Variants in CCDC181 observed in about 807,000 individuals in gnomAD.
The protein encoded by CCDC181 is coiled-coil domain-containing protein 181.
In CCDC181, 35 loss-of-function variants were observed where a neutral mutation model predicts 58.7. That is an observed-to-expected ratio of 0.60 (90% CI 0.46 to 0.79). The LOEUF is 0.79. CCDC181 is among the 30% of genes least tolerant of loss of function. The pLI is 0.00. For synonymous variants in CCDC181, 183 were observed against 197.5 expected (o/e 0.93, Z 0.62); for missense variants, 517 against 583.9 (o/e 0.89, Z 1.18).
At chr1:169,445,801 A>AT (rs934491904) in intron 2 of CCDC181, among the ~76,000 whole-genome samples, 2 of 151,856 alleles carry the variant, frequency 1.3e-5, no homozygotes, top group East Asian at 1.9e-4. Flanking sequence ...TAGTGACACT[A>AT]TTTTTTTTAA....
At position 169,440,931 on chromosome 1, in the gene CCDC181, T is replaced by TAAAAAAAAAAAAAAAAAAAAAAAA. The variant is rs72040890; in HGVS notation, c.-23-15982_-23-15981insTTTTTTTTTTTTTTTTTTTTTTTT. Among the ~76,000 whole-genome samples, 97 of 76,804 alleles carry TAAAAAAAAAAAAAAAAAAAAAAAA rather than the reference T, an allele frequency of 1.3e-3. 9 individuals are homozygous for TAAAAAAAAAAAAAAAAAAAAAAAA. Among genetic ancestry groups the TAAAAAAAAAAAAAAAAAAAAAAAA allele is most frequent in the African/African-American group, 3.1e-3 (59 of 18,826 alleles). The allele number at this position is 76,804 out of a possible 152,430, so 50.4% of individuals were successfully genotyped here. On this transcript the variant is annotated intron_variant, in intron 2 of 6. Transcript: ENST00000545005. ...GCCCAGGCAACAGAGCAAGACTGTC[T>TAAAAAAAAAAAAAAAAAAAAAAAA]AAAAAAAAAAAAAAGGCAAGATGAG...
At chr1:169,433,082 G>T (rs137920180) in intron 2 of CCDC181, among the ~76,000 whole-genome samples, 3 of 151,894 alleles carry the variant, frequency 2.0e-5, no homozygotes, top group African/African-American at 7.3e-5. Context: ...GGTCTTATAC[G>T]TAGAAAACCC....
At chr1:169,398,352 ATG>A (rs1425620463) in intron 4 of CCDC181, among the ~76,000 whole-genome samples, 1 of 152,210 alleles carries the variant, frequency 6.6e-6, no homozygotes, top group East Asian at 1.9e-4. Flanking sequence ...TAATTACACA[ATG>A]TGTACATGTA....
At chr1:169,453,998 A>G (rs1302401657) in intron 2 of CCDC181, among the ~76,000 whole-genome samples, 1 of 151,994 alleles carries the variant, frequency 6.6e-6, no homozygotes, top group Non-Finnish European at 1.5e-5. Context: ...AGTCTTAATC[A>G]ACTTGTTGCT....
chr1:169,399,914 A>G (rs1428987543), intron 4 of CCDC181, among the ~76,000 whole-genome samples: 1 of 152,130 alleles, frequency 6.6e-6, no homozygotes, highest in Admixed American at 6.5e-5. Context: ...CATGAAACAG[A>G]TAGGAGTCTG....
At chr1:169,423,554 T>A (rs113947677) in intron 2 of CCDC181, among the ~76,000 whole-genome samples, 1,546 of 152,130 alleles carry the variant, frequency 0.01, 16 homozygotes, top group Middle Eastern at 0.02. Context: ...GTTATAATCA[T>A]CCGCTGGAAT....
At chr1:169,419,462 A>C (rs2102085875) in intron 3 of CCDC181, among the ~76,000 whole-genome samples, 1 of 152,260 alleles carries the variant, frequency 6.6e-6, no homozygotes, top group South Asian at 2.1e-4. Context: ...GTTCATAGTA[A>C]AATTTTCTTC....
rs1397646344 is a variant in CCDC181, at chr1:169,421,745, T to C, written c.686A>G (p.Asn229Ser). The change falls in exon 3 of 6, where the codon AAT becomes AGT. Residue 229 changes from asparagine to serine, a missense_variant. Coordinates refer to ENST00000367806, the MANE Select transcript of CCDC181 (RefSeq NM_001300969.2). Reference sequence around the variant, plus strand: ...CCCCTGACTGGCAATGTCTTGTAAATTCAGAAGTTCAAATTTTCCATCTCT... The same window carrying C: ...CCCCTGACTGGCAATGTCTTGTAAACTCAGAAGTTCAAATTTTCCATCTCT... ...VERDGKFELL[N>S]LQDIASQGFL... is the part of the protein sequence containing the mutation. 2 of 1,613,956 alleles carry C rather than the reference T, an allele frequency of 1.2e-6. No individual in the cohort carries two copies. The highest frequency in any genetic ancestry group is 1.7e-5 in the Admixed American group (1 of 59,976).
intron 2 of CCDC181, among the ~76,000 whole-genome samples, chr1:169,423,602 C>A (rs1557871983): frequency 6.6e-6 from 1 of 151,956 alleles, no homozygotes; most frequent in Non-Finnish European, 1.5e-5. Context: ...TTTATTCCTG[C>A]TATATATATC....
intron 4 of CCDC181, among the ~76,000 whole-genome samples, chr1:169,412,581 A>G (rs1051516985): frequency 1.3e-5 from 2 of 152,220 alleles, no homozygotes; most frequent in Admixed American, 1.3e-4. Context: ...ATCTAAAGCA[A>G]AAAGAACAAA....
intron 2 of CCDC181, among the ~76,000 whole-genome samples, chr1:169,451,958 G>A (rs966616899): frequency 5.3e-5 from 8 of 152,056 alleles, no homozygotes; most frequent in African/African-American, 1.9e-4. Context: ...AAGCAATCAA[G>A]TAAATATGGA....
chr1:169,433,182 C>T (rs1015604719), intron 2 of CCDC181, among the ~76,000 whole-genome samples: 1 of 151,818 alleles, frequency 6.6e-6, no homozygotes, highest in African/African-American at 2.4e-5. Flanking sequence ...TATTTCTATA[C>T]ACTAATGATG....
chr1:169,417,104 G>A (rs546646646), intron 4 of CCDC181, among the ~76,000 whole-genome samples: 11 of 152,060 alleles, frequency 7.2e-5, no homozygotes, highest in Non-Finnish European at 1.2e-4. Context: ...ACCAAAATGG[G>A]GAAGGGTTCC....
intron 2 of CCDC181, among the ~76,000 whole-genome samples, chr1:169,434,547 A>G (rs532749369): frequency 6.6e-6 from 1 of 152,206 alleles, no homozygotes; most frequent in South Asian, 2.1e-4. Context: ...GACCATTGAC[A>G]GATGAATGGA....
chr1:169,411,176 T>A (rs1482525597), intron 4 of CCDC181, among the ~76,000 whole-genome samples: 1 of 151,920 alleles, frequency 6.6e-6, no homozygotes, highest in Non-Finnish European at 1.5e-5. Flanking sequence ...AAGAATCAAA[T>A]AGACACAATA....
chr1:169,402,208 C>A (rs544784694), intron 4 of CCDC181, among the ~76,000 whole-genome samples: 1 of 152,080 alleles, frequency 6.6e-6, no homozygotes, highest in African/African-American at 2.4e-5. Flanking sequence ...ACGGGGAGAA[C>A]GGAACCAAGT....
chr1:169,448,745 T>C (rs1220463919), intron 2 of CCDC181, among the ~76,000 whole-genome samples: 9 of 152,174 alleles, frequency 5.9e-5, no homozygotes, highest in African/African-American at 1.9e-4. Context: ...TTAATTCAAA[T>C]GTTTCTTCTG....
chr1:169,416,682 CAT>C (rs1389718796), intron 4 of CCDC181, among the ~76,000 whole-genome samples: 4 of 152,088 alleles, frequency 2.6e-5, no homozygotes, highest in Non-Finnish European at 5.9e-5. Flanking sequence ...GATATTAGTA[CAT>C]GTTATTACTG....
At chr1:169,433,487 GAAA>G (rs1656973033) in intron 2 of CCDC181, among the ~76,000 whole-genome samples, 1 of 151,908 alleles carries the variant, frequency 6.6e-6, no homozygotes, top group South Asian at 2.1e-4. Context: ...AAAGAGTCTT[GAAA>G]AAGAACAAAG....
Sources: allele counts gnomAD v4.1 joint callset (sites outside exome capture counted in the v4.1 genomes callset), GRCh38; gene constraint gnomAD v4.1.1; transcripts MANE v1.5; gene names NCBI Gene and HGNC (gene_info 2026-07-23, HGNC 2026-07-21).